Variants in DCC observed in about 807,000 individuals in gnomAD.
DCC encodes the protein netrin receptor DCC.
DCC carries 58 observed loss-of-function variants against 172.5 expected under a neutral mutation model. That is an observed-to-expected ratio of 0.34 (90% confidence interval 0.27 to 0.42). DCC has a LOEUF of 0.42. Among genes scored for constraint, DCC ranks in the 10% least tolerant of loss-of-function variants. DCC has a pLI of 1.00. For missense variants in DCC, 1,740 were observed against 1,791.0 expected (o/e 0.97, Z 0.51); for synonymous variants, 709 against 644.5 (o/e 1.10, Z -1.52).
intron 7 of DCC, among the ~76,000 whole-genome samples, chr18:53,103,584 T>C (rs2043204130): frequency 6.6e-6 from 1 of 151,998 alleles, no homozygotes; most frequent in African/African-American, 2.4e-5. Context: ...TGACTCTCAA[T>C]GAAAATTTAA....
intron 1 of DCC, among the ~76,000 whole-genome samples, chr18:52,500,421 G>A (rs1014271072): frequency 1.3e-5 from 2 of 152,184 alleles, no homozygotes; most frequent in Non-Finnish European, 2.9e-5. Context: ...GACTTATCAT[G>A]TGTGGAATCA....
intron 7 of DCC, among the ~76,000 whole-genome samples, chr18:53,083,619 A>G (rs1157379090): frequency 6.6e-6 from 1 of 152,178 alleles, no homozygotes; most frequent in Non-Finnish European, 1.5e-5. Flanking sequence ...ACTCTTGGCT[A>G]TTCAAAATAA....
In DCC at chr18:53,244,378, G is replaced by A. The variant is rs572864393; in HGVS notation, c.1911+28781G>A. Among the ~76,000 whole-genome samples the A allele has an allele frequency of 5.0e-4, 76 of 152,206 alleles. 1 individual carries two copies. The Middle Eastern group carries it at 0.024, about 48-fold the overall frequency. On this transcript the variant is annotated intron_variant, in intron 12 of 28. Coordinates refer to ENST00000442544, the MANE Select transcript of DCC (RefSeq NM_005215.4). ...GATAATTTTATAGGATTTGAACCAA[G>A]TGTCCTAGTACAGATATGTTTTGGT...
At chr18:52,367,085 G>T (rs1018898933) in intron 1 of DCC, among the ~76,000 whole-genome samples, 5 of 152,160 alleles carry the variant, frequency 3.3e-5, no homozygotes, top group African/African-American at 7.2e-5. Flanking sequence ...GAAATCGAGC[G>T]CAGCGCCGGT....
At chr18:52,756,934 C>T (rs921269949) in intron 2 of DCC, 3 of 151,974 alleles carry the variant, frequency 2.0e-5, no homozygotes, top group Non-Finnish European at 4.4e-5. Context: ...TTCAATATTC[C>T]CATGTGATGA....
chr18:52,539,420 C>T (rs2032377649), intron 1 of DCC, among the ~76,000 whole-genome samples: 1 of 152,158 alleles, frequency 6.6e-6, no homozygotes, highest in Non-Finnish European at 1.5e-5. Flanking sequence ...AGAACTGAGC[C>T]ACACAGCAGG....
chr18:53,026,870 T>C (rs1350981151), intron 5 of DCC, among the ~76,000 whole-genome samples: 1 of 152,064 alleles, frequency 6.6e-6, no homozygotes, highest in Non-Finnish European at 1.5e-5. Context: ...CCTGACCCCC[T>C]CTTTCTTTAA....
chr18:52,790,129 G>A (rs9946735), intron 2 of DCC, among the ~76,000 whole-genome samples: 6,551 of 152,186 alleles, frequency 0.043, 221 homozygotes, highest in South Asian at 0.16. Context: ...CTGTAAAATG[G>A]TGGAGACTAA....
In DCC at chr18:53,411,337, A is replaced by G. The variant is rs571148722; in HGVS notation, c.3130+691A>G. On this transcript the variant is annotated intron_variant, in intron 20 of 28. Transcript: ENST00000442544. Reference sequence around the variant, plus strand: ...CATTCAAATGATTACAATAATTTGAATGTTTAATTCATTTAACAATTGAAT... The same window carrying G: ...CATTCAAATGATTACAATAATTTGAGTGTTTAATTCATTTAACAATTGAAT... Among the ~76,000 whole-genome samples the G allele has an allele frequency of 1.6e-4, 24 of 152,286 alleles. No homozygotes were observed. In the East Asian group the frequency reaches 4.2e-3, roughly 27 times the overall value.
At chr18:52,500,100 G>T (rs934391407) in intron 1 of DCC, among the ~76,000 whole-genome samples, 1 of 150,366 alleles carries the variant, frequency 6.7e-6, no homozygotes, top group African/African-American at 2.4e-5. Flanking sequence ...TTCTGGAAAC[G>T]TTATTTTCAC....
intron 1 of DCC, among the ~76,000 whole-genome samples, chr18:52,468,580 A>AC (rs1988855704): frequency 6.6e-6 from 1 of 152,200 alleles, no homozygotes; most frequent in Non-Finnish European, 1.5e-5. Flanking sequence ...AAGGCTTATT[A>AC]ATAGTTAATA....
chr18:53,323,389 T>C lies in DCC; in HGVS notation c.2164+1232T>C, dbSNP rs374516407. Reference sequence around the variant, plus strand: ...CAATCAACAGTTGATATTTCCATAATAATGTTAATCTCTGCCATGTGACTG... The same window carrying C: ...CAATCAACAGTTGATATTTCCATAACAATGTTAATCTCTGCCATGTGACTG... On this transcript the variant is annotated intron_variant, in intron 14 of 28. Coordinates refer to ENST00000442544, the MANE Select transcript of DCC (RefSeq NM_005215.4). 9.4e-4 allele frequency among the ~76,000 whole-genome samples: 143 copies of C among 152,356 alleles called. 1 individual carries two copies. Among genetic ancestry groups the C allele is most frequent in the African/African-American group, 3.0e-3 (126 of 41,588 alleles).
chr18:53,131,953 A>ATTTTTTTTTTTTTTTT (rs71175556), intron 7 of DCC, among the ~76,000 whole-genome samples: 6 of 58,278 alleles, frequency 1.0e-4, no homozygotes, highest in Admixed American at 8.7e-4. Flanking sequence ...TCTCTAAGTG[A>ATTTTTTTTTTTTTTTT]TTTTTTTTTT....
At chr18:52,745,980 T>C (rs1319028962) in intron 1 of DCC, among the ~76,000 whole-genome samples, 1 of 152,218 alleles carries the variant, frequency 6.6e-6, no homozygotes, top group Non-Finnish European at 1.5e-5. Context: ...TGTTAATTCA[T>C]GTTTGTTTGT....
At chr18:53,244,208 T>C (rs547324565) in intron 12 of DCC, among the ~76,000 whole-genome samples, 14 of 152,300 alleles carry the variant, frequency 9.2e-5, no homozygotes, top group African/African-American at 2.6e-4. Flanking sequence ...AATTTCATTT[T>C]ATAAATCTGA....
intron 2 of DCC, among the ~76,000 whole-genome samples, chr18:52,821,330 T>C (rs1439538281): frequency 6.6e-6 from 1 of 152,164 alleles, no homozygotes; most frequent in Non-Finnish European, 1.5e-5. Context: ...ATTCCTCTCT[T>C]CCCCTCCTTC....
intron 12 of DCC, among the ~76,000 whole-genome samples, chr18:53,260,386 G>A (rs2056580739): frequency 6.6e-6 from 1 of 152,022 alleles, no homozygotes; most frequent in South Asian, 2.1e-4. Context: ...GTTTTGGTGT[G>A]GATGTCCTTT....
chr18:52,818,062 T>G (rs1372626182), intron 2 of DCC: 3 of 152,128 alleles, frequency 2.0e-5, no homozygotes, highest in Non-Finnish European at 4.4e-5. Context: ...GAAAACAGAA[T>G]GATTAGAATT....
chr18:52,699,738 T>C (rs1341482498), intron 1 of DCC, among the ~76,000 whole-genome samples: 1 of 152,196 alleles, frequency 6.6e-6, no homozygotes, highest in Non-Finnish European at 1.5e-5. Context: ...TGTATCATAG[T>C]TCTATTAAGG....
Sources: gnomAD v4.1 joint callset for allele counts (sites outside exome capture counted in the v4.1 genomes callset) on GRCh38, gnomAD v4.1.1 for gene constraint, MANE v1.5 for transcripts, NCBI Gene and HGNC (gene_info 2026-07-23, HGNC 2026-07-21) for gene names.